Variants in IGF2BP2 observed in about 807,000 individuals in gnomAD.
IGF2BP2 encodes insulin like growth factor 2 mRNA binding protein 2, also known as insulin-like growth factor 2 mRNA-binding protein 2.
IGF2BP2 carries 17 observed loss-of-function variants against 75.8 expected under a neutral mutation model. The ratio of observed to expected loss-of-function variants is 0.22; its 90% CI spans 0.15 to 0.34. The LOEUF (loss-of-function observed/expected upper bound fraction) is 0.34. Among genes scored for constraint, IGF2BP2 ranks in the 10% least tolerant of loss-of-function variants. The pLI is 1.00. For synonymous variants in IGF2BP2, 288 were observed against 295.6 expected (o/e 0.97, Z 0.26); for missense variants, 516 against 772.4 (o/e 0.67, Z 3.93).
Position 185,745,332 on chromosome 3 carries a change from T to A in IGF2BP2, c.240-46985A>T, listed in dbSNP as rs538039850. Among the ~76,000 whole-genome samples the A allele has an allele frequency of 5.3e-5, 8 of 152,278 alleles. No individual in the cohort carries two copies. The East Asian group carries it at 1.3e-3, about 26-fold the overall frequency. ...GTACCAGTGCTGTCCGTGTGAGGTATACTGCTGGGCCCAAATAGTTACTTG... is the reference window on the plus strand; with the variant it reads ...GTACCAGTGCTGTCCGTGTGAGGTAAACTGCTGGGCCCAAATAGTTACTTG... On this transcript the variant is annotated intron_variant, in intron 2 of 15. Coordinates refer to ENST00000382199, the MANE Select transcript of IGF2BP2 (RefSeq NM_006548.6).
At position 185,731,616 on chromosome 3, in the gene IGF2BP2, C is replaced by T. The variant is rs147620753; in HGVS notation, c.240-33269G>A. On this transcript the variant is annotated intron_variant, in intron 2 of 15. Transcript: ENST00000382199. ...GTCACTATGAATTTTACAGACTTCT[C>T]GGCAAGTAAGTTTCAAGGACCCAAT... Among the ~76,000 whole-genome samples, 11 of 152,228 alleles carry T rather than the reference C, an allele frequency of 7.2e-5. No individual in the cohort carries two copies. In the East Asian group the frequency reaches 1.5e-3, roughly 21 times the overall value.
chr3:185,665,998 GTACATAGATAGATAGATAGA>G (rs1717526748), intron 10 of IGF2BP2, among the ~76,000 whole-genome samples: 1 of 128,216 alleles, frequency 7.8e-6, no homozygotes, highest in Admixed American at 8.6e-5. Context: ...AGGTAGATAG[GTACATAGATAGATAGATAGA>G]TAGATAGATA....
intron 2 of IGF2BP2, among the ~76,000 whole-genome samples, chr3:185,733,588 G>T (rs2149526994): frequency 6.6e-6 from 1 of 152,176 alleles, no homozygotes; most frequent in Non-Finnish European, 1.5e-5. Context: ...GAAACCCCAT[G>T]TCTACTAAAA....
intron 10 of IGF2BP2, among the ~76,000 whole-genome samples, chr3:185,669,245 C>A (rs1718140912): frequency 6.6e-6 from 1 of 151,854 alleles, no homozygotes; most frequent in African/African-American, 2.4e-5. Context: ...GATTCTACTT[C>A]CAGGAAATTA....
At chr3:185,675,540 T>C in intron 8 of IGF2BP2, 109 bp from the exon 9 acceptor site, 2 of 1,298,522 alleles carry the variant, frequency 1.5e-6, no homozygotes, top group East Asian at 2.4e-5. Context: ...AAGACTCAAT[T>C]CCCTCCCAAC....
chr3:185,749,472 T>C (rs1269766735), intron 2 of IGF2BP2, among the ~76,000 whole-genome samples: 1 of 152,250 alleles, frequency 6.6e-6, no homozygotes, highest in African/African-American at 2.4e-5. Flanking sequence ...TTAAAGTTGA[T>C]ACAAGAAGTA....
intron 7 of IGF2BP2, among the ~76,000 whole-genome samples, chr3:185,683,199 T>G (rs1720639537): frequency 6.6e-6 from 1 of 152,104 alleles, no homozygotes; most frequent in Admixed American, 6.6e-5. Context: ...AAAAGAATAA[T>G]AGTATATGAT....
intron 15 of IGF2BP2, 50 bp downstream of exon 15, chr3:185,646,975 A>G: frequency 7.2e-7 from 1 of 1,388,376 alleles, no homozygotes. Flanking sequence ...AGCTTAGCAG[A>G]GAATTGAAAA....
chr3:185,690,004 C>T (rs573112301), intron 5 of IGF2BP2, among the ~76,000 whole-genome samples: 4 of 151,742 alleles, frequency 2.6e-5, no homozygotes, highest in African/African-American at 7.2e-5. Flanking sequence ...TCCCGCAAGA[C>T]TGGTTCATTC....
intron 7 of IGF2BP2, 89 bp from the exon 8 acceptor site, chr3:185,676,002 G>T: frequency 6.6e-7 from 1 of 1,516,088 alleles, no homozygotes. Flanking sequence ...CTTATAAATG[G>T]AAGTCATTTT....
intron 2 of IGF2BP2, among the ~76,000 whole-genome samples, chr3:185,765,952 TG>T (rs1446392599): frequency 1.3e-5 from 2 of 152,212 alleles, no homozygotes; most frequent in East Asian, 3.8e-4. Flanking sequence ...GGAGAGTTTG[TG>T]GGCATGGGTA....
chr3:185,686,760 G>A (rs1721190532), intron 7 of IGF2BP2, among the ~76,000 whole-genome samples: 2 of 152,140 alleles, frequency 1.3e-5, no homozygotes, highest in South Asian at 4.1e-4. Context: ...TATCATTGCA[G>A]AAAGTTCTAT....
intron 2 of IGF2BP2, among the ~76,000 whole-genome samples, chr3:185,756,899 G>A (rs528022640): frequency 6.6e-6 from 1 of 152,252 alleles, no homozygotes; most frequent in South Asian, 2.1e-4. Context: ...GAGCCCAGGA[G>A]TTTGAAGTTT....
At chr3:185,822,708 A>C in intron 2 of IGF2BP2, among the ~76,000 whole-genome samples, 1 of 152,248 alleles carries the variant, frequency 6.6e-6, no homozygotes, top group Non-Finnish European at 1.5e-5. Flanking sequence ...TTTACTATTC[A>C]ACATTAAACT....
chr3:185,761,578 C>T (rs1732376906), intron 2 of IGF2BP2, among the ~76,000 whole-genome samples: 1 of 152,100 alleles, frequency 6.6e-6, no homozygotes, highest in African/African-American at 2.4e-5. Context: ...AGAAAAATAT[C>T]CTGTAAGGAG....
At chr3:185,666,178 T>C (rs1717595654) in intron 10 of IGF2BP2, among the ~76,000 whole-genome samples, 1 of 152,156 alleles carries the variant, frequency 6.6e-6, no homozygotes, top group South Asian at 2.1e-4. Context: ...TTAAAACTTG[T>C]TTGAGAAAAT....
rs1713692311 is a variant in IGF2BP2, at chr3:185,647,018, A to T, written c.1707+7T>A. ...GCAGGAGAGACAGGGCCCTCACAGC[A>T]CAGTACCTGGCTAGCAAAGAAGTGC... On this transcript the variant is annotated splice_region_variant and intron_variant, in intron 15 of 15. Coordinates refer to ENST00000382199, the MANE Select transcript of IGF2BP2 (RefSeq NM_006548.6). The surrounding 1 kb of genome is among the most constrained non-coding windows in gnomAD (Gnocchi z 4.9). 6 of 1,601,286 alleles carry T rather than the reference A, an allele frequency of 3.7e-6. No individual in the cohort carries two copies. The highest frequency in any genetic ancestry group is 5.1e-6 in the Non-Finnish European group (6 of 1,168,432).
intron 2 of IGF2BP2, among the ~76,000 whole-genome samples, chr3:185,739,960 A>G (rs751423349): frequency 7.0e-6 from 1 of 143,396 alleles, no homozygotes; most frequent in Non-Finnish European, 1.5e-5. Flanking sequence ...AGTTCAGGTG[A>G]TTCTCCCACC....
At chr3:185,652,038 G>C in intron 13 of IGF2BP2, 56 bp downstream of exon 13, 1 of 1,407,838 alleles carries the variant, frequency 7.1e-7, no homozygotes. Flanking sequence ...ATGTGCCTCT[G>C]AGGTGGCTGC....
Sources: gnomAD v4.1 joint callset for allele counts (sites outside exome capture counted in the v4.1 genomes callset) on GRCh38, gnomAD v4.1.1 for gene constraint, Gnocchi (gnomAD v3.1) non-coding constraint, MANE v1.5 for transcripts, NCBI Gene and HGNC (gene_info 2026-07-23, HGNC 2026-07-21) for gene names.